The following VPS8 variants were observed in gnomAD, a reference collection of about 807,000 sequenced individuals.
The protein encoded by VPS8 is vacuolar protein sorting-associated protein 8 homolog.
A neutral mutation model predicts 216.4 loss-of-function variants in VPS8; 129 were observed. The ratio of observed to expected loss-of-function variants is 0.60; its 90% CI spans 0.52 to 0.69. The LOEUF (loss-of-function observed/expected upper bound fraction) is 0.69, where lower values mean the gene tolerates loss of function less well. Ranked by LOEUF, VPS8 falls within the 30% of genes least tolerant of loss-of-function variation. The pLI is 0.00. For synonymous variants in VPS8, 571 were observed against 565.4 expected (o/e 1.01, Z -0.14); for missense variants, 1,531 against 1,683.5 (o/e 0.91, Z 1.59).
chr3:184,913,013 C>T (rs1253083984), intron 25 of VPS8, among the ~76,000 whole-genome samples: 1 of 152,162 alleles, frequency 6.6e-6, no homozygotes, highest in Non-Finnish European at 1.5e-5. Context: ...CACAAGATGG[C>T]AGAATCTTAC....
intron 46 of VPS8, among the ~76,000 whole-genome samples, chr3:185,027,427 A>G (rs1757542578): frequency 6.6e-6 from 1 of 151,334 alleles, no homozygotes; most frequent in Admixed American, 6.6e-5. Flanking sequence ...TATTTTTAGT[A>G]GAGACGGGGT....
In VPS8 at chr3:184,869,590, G is replaced by A. The variant is rs557469717; in HGVS notation, c.1644+62G>A. The A allele has an allele frequency of 1.1e-5, 17 of 1,536,140 alleles. No homozygotes were observed. The East Asian group carries it at 2.3e-4, about 20-fold the overall frequency. On this transcript the variant is annotated intron_variant, in intron 20 of 47. Transcript: ENST00000625842. ...GCAGATTTGCTTTTGTCATTTGCCA[G>A]TATCTTTGGGCATGAGTAGATAAAT...
At chr3:185,044,936 G>A (rs1712521655) in intron 46 of VPS8, among the ~76,000 whole-genome samples, 1 of 152,194 alleles carries the variant, frequency 6.6e-6, no homozygotes, top group Non-Finnish European at 1.5e-5. Flanking sequence ...GTTGCAGAGG[G>A]GAAGGAGGTG....
At chr3:184,941,659 T>G (rs2109331925) in intron 36 of VPS8, among the ~76,000 whole-genome samples, 1 of 152,178 alleles carries the variant, frequency 6.6e-6, no homozygotes, top group Admixed American at 6.5e-5. Flanking sequence ...TTCTCAGCCC[T>G]TTCTCCAGAG....
In VPS8 at chr3:184,901,306, T is replaced by C. The variant is rs1369832577; in HGVS notation, c.2146+334T>C. 3.1e-5 allele frequency: 7 copies of C among 229,348 alleles called. No individual in the cohort carries two copies. In the East Asian group the frequency reaches 7.6e-4, roughly 25 times the overall value. The allele number at this position is 229,348 out of a possible 1,614,324, so 14.2% of individuals were successfully genotyped here. A position where few individuals can be genotyped will look rare whatever the true frequency, so the allele number is the denominator to read the frequency against. On this transcript the variant is annotated intron_variant, in intron 25 of 47. Transcript: ENST00000625842. ...TTTACGTGGATGAAGCATAATATTT[T>C]TGAGAGTCATCCATGTTGTTTTATG... is the stretch of plus-strand genomic sequence containing the variant.
chr3:185,043,051 C>A (rs942322880), intron 46 of VPS8, among the ~76,000 whole-genome samples: 7 of 152,180 alleles, frequency 4.6e-5, no homozygotes, highest in Non-Finnish European at 7.3e-5. Context: ...TGGCACCACA[C>A]AGGATCCCGG....
At chr3:184,960,445 G>A (rs1746327217) in intron 37 of VPS8, among the ~76,000 whole-genome samples, 1 of 152,140 alleles carries the variant, frequency 6.6e-6, no homozygotes, top group Non-Finnish European at 1.5e-5. Context: ...ATTTTCTGTG[G>A]CCTACAACAG....
At chr3:184,965,555 T>C (rs1018042318) in intron 38 of VPS8, among the ~76,000 whole-genome samples, 2 of 152,202 alleles carry the variant, frequency 1.3e-5, no homozygotes, top group Middle Eastern at 3.2e-3. Context: ...CTGTGTAATA[T>C]ATAGGCAGGT....
At chr3:185,005,097 C>A (rs1207190961) in intron 45 of VPS8, among the ~76,000 whole-genome samples, 1 of 152,054 alleles carries the variant, frequency 6.6e-6, no homozygotes, top group Non-Finnish European at 1.5e-5. Flanking sequence ...ATGTGGCTTG[C>A]CAATTATCCC....
At chr3:184,902,194 C>A (rs573705525) in intron 25 of VPS8, among the ~76,000 whole-genome samples, 25 of 148,394 alleles carry the variant, frequency 1.7e-4, no homozygotes, top group African/African-American at 6.2e-4. Context: ...AGTTCCCAAG[C>A]TGGCCAGGCA....
At position 184,824,706 on chromosome 3, in the gene VPS8, A is replaced by C. The variant is rs751810716; in HGVS notation, c.74A>C (p.Lys25Thr). 6.2e-7 allele frequency: 1 copy of C among 1,613,960 alleles called. No homozygotes were observed. Among genetic ancestry groups the C allele is most frequent in the East Asian group, 2.2e-5 (1 of 44,880 alleles). The change falls in exon 2 of 48, where the codon AAG becomes ACG. Residue 25 changes from lysine (K) to threonine (T), a missense_variant. Physicochemically the swap from Lys to Thr is moderately conservative, Grantham distance 78. Transcript: ENST00000625842. ...CAKTSEEELNKSFNLEASLSK... is the reference protein window; with the variant it reads ...CAKTSEEELNTSFNLEASLSK... ...AAGACGAGCGAAGAAGAGCTGAATA[A>C]GTCTTTCAATCTAGAAGCTTCACTT...
chr3:184,877,258 A>G (rs1729433975), intron 21 of VPS8, among the ~76,000 whole-genome samples: 1 of 152,138 alleles, frequency 6.6e-6, no homozygotes, highest in African/African-American at 2.4e-5. Context: ...CACTCATTCA[A>G]TGTCAGTTTT....
Position 184,855,697 on chromosome 3 carries a change from A to G in VPS8, c.1036-14A>G. ...TTAACTGTGATGATTTTTTTTTTCC[A>G]TCTCCCTACTTAGATGGATCCTTCC... On this transcript the variant is annotated splice_polypyrimidine_tract_variant and intron_variant, in intron 13 of 47. Transcript: ENST00000625842. 1 of 1,592,798 alleles carries G rather than the reference A, an allele frequency of 6.3e-7. No individual in the cohort carries two copies. The highest frequency in any genetic ancestry group is 8.6e-7 in the Non-Finnish European group (1 of 1,168,820).
At position 184,863,669 on chromosome 3, in the gene VPS8, C is replaced by T. The variant is rs1418568514; in HGVS notation, c.1395+602C>T. 2.0e-5 allele frequency among the ~76,000 whole-genome samples: 3 copies of T among 152,230 alleles called. No individual in the cohort carries two copies. The East Asian group carries it at 5.8e-4, about 29-fold the overall frequency. ...ATCATTAAGCAACTACAGTAATGGC[C>T]TTAAGCAATTTCCACAGATAGTTTA... On this transcript the variant is annotated intron_variant, in intron 16 of 47. Coordinates refer to ENST00000625842, the MANE Select transcript of VPS8 (RefSeq NM_001009921.3).
intron 37 of VPS8, among the ~76,000 whole-genome samples, chr3:184,958,631 G>A (rs868794649): frequency 1.1e-4 from 16 of 152,160 alleles, no homozygotes; most frequent in African/African-American, 3.6e-4. Flanking sequence ...TAGCTTTAGT[G>A]TGCAGAGCTT....
chr3:184,969,641 G>T (rs1161457461), intron 39 of VPS8, among the ~76,000 whole-genome samples: 1 of 144,486 alleles, frequency 6.9e-6, no homozygotes, highest in African/African-American at 2.6e-5. Flanking sequence ...TGTTGGCCAG[G>T]CTGGTCTCGA....
chr3:184,837,704 T>C (rs568374747), intron 5 of VPS8, among the ~76,000 whole-genome samples: 1 of 152,234 alleles, frequency 6.6e-6, no homozygotes, highest in African/African-American at 2.4e-5. Context: ...GAGTCTGCCT[T>C]CTGAGAGATG....
intron 1 of VPS8, chr3:184,817,508 A>G (rs1716595140): frequency 6.6e-6 from 1 of 152,228 alleles, no homozygotes; most frequent in African/African-American, 2.4e-5. Flanking sequence ...AGCCTAGTTG[A>G]GCAGGGCAAA....
intron 47 of VPS8, among the ~76,000 whole-genome samples, chr3:185,051,081 C>T (rs1714125215): frequency 6.6e-6 from 1 of 152,138 alleles, no homozygotes; most frequent in Non-Finnish European, 1.5e-5. Context: ...TCAAGGGCAC[C>T]TCAAGAGCCA....
Sources: gnomAD v4.1 joint callset for allele counts (sites outside exome capture counted in the v4.1 genomes callset) on GRCh38, gnomAD v4.1.1 for gene constraint, MANE v1.5 for transcripts, NCBI Gene and HGNC (gene_info 2026-07-23, HGNC 2026-07-21) for gene names.